The following CHAF1A variants were observed in gnomAD, a reference collection of about 807,000 sequenced individuals.
The protein encoded by CHAF1A is chromatin assembly factor 1 subunit A.
Under a neutral mutation model 93.2 loss-of-function variants are expected in CHAF1A, and 5 were observed. The observed-to-expected ratio is 0.05, with a 90% CI of 0.03 to 0.11. The LOEUF is 0.11. Among genes scored for constraint, CHAF1A ranks in the 10% least tolerant of loss-of-function variants. The pLI is 1.00. For missense variants in CHAF1A, 1,102 were observed against 1,259.9 expected, an observed-to-expected ratio of 0.87 and a Z score of 1.90; for synonymous variants, 504 against 510.3, an observed-to-expected ratio of 0.99 and a Z score of 0.17.
chr19:4,441,565 G>A lies in CHAF1A; in HGVS notation c.2674-680G>A, dbSNP rs565879479. ...GGAGGTTGCAGTGAGCTGAGATTGT[G>A]CCACTGCACTCCAGCCTCAGTGACA... On this transcript the variant is annotated intron_variant, in intron 13 of 14. Transcript: ENST00000301280. Among the ~76,000 whole-genome samples, 36 of 151,584 alleles carry A rather than the reference G, an allele frequency of 2.4e-4. No homozygotes were observed. In the South Asian group the frequency reaches 5.4e-3, roughly 23 times the overall value.
chr19:4,433,037 A>G lies in CHAF1A; in HGVS notation c.2204-33A>G. 1 of 1,486,236 alleles carries G rather than the reference A, an allele frequency of 6.7e-7. No homozygotes were observed. Among genetic ancestry groups the G allele is most frequent in the Non-Finnish European group, 9.1e-7 (1 of 1,103,170 alleles). The allele number at this position is 1,486,236 out of a possible 1,614,324, so 92.1% of individuals were successfully genotyped here. On this transcript the variant is annotated intron_variant, in intron 12 of 14. Transcript: ENST00000301280. The surrounding 1 kb of genome is among the most constrained non-coding windows in gnomAD (Gnocchi z 5.6). ...GCCTGTGGTGATGGGTGGCTCCCCA[A>G]GCCTCATGCCCACCCATGTTCCCTC...
chr19:4,446,949 G>T, downstream of CHAF1A: 1 of 1,608,794 alleles, frequency 6.2e-7, no homozygotes. Context: ...GTCACTGGGG[G>T]CCCCTGGCTT....
chr19:4,448,036 T>A, downstream of CHAF1A: 1 of 531,266 alleles, frequency 1.9e-6, no homozygotes, highest in Non-Finnish European at 3.4e-6. Context: ...ACCCGGGGAG[T>A]GGGGTGGGAC....
rs1232097417 is a variant in CHAF1A at position 4,433,891 on chromosome 19, C to T, written c.2673+352C>T. On this transcript the variant is annotated intron_variant, in intron 13 of 14. Transcript: ENST00000301280. The surrounding 1 kb of genome is among the most constrained non-coding windows in gnomAD (Gnocchi z 5.6). ...CTGGGATTACAGGCGTGAGCCACCT[C>T]GCCTGGTGTTTTTGTGTTTTTTAAA... is the stretch of plus-strand genomic sequence containing the variant. Among the ~76,000 whole-genome samples the T allele has an allele frequency of 4.6e-5, 7 of 151,996 alleles. No individual in the cohort carries two copies. The highest frequency in any genetic ancestry group is 7.4e-5 in the Non-Finnish European group (5 of 67,984).
chr19:4,447,450 C>A, downstream of CHAF1A: 1 of 1,353,048 alleles, frequency 7.4e-7, no homozygotes, highest in South Asian at 1.2e-5. Context: ...TCGCTAGCTC[C>A]TCCAGGGAGC....
At chr19:4,430,778 C>G in intron 11 of CHAF1A, 137 bp downstream of exon 11, 1 of 856,506 alleles carries the variant, frequency 1.2e-6, no homozygotes, top group East Asian at 2.7e-5. Context: ...AGCACGCAAG[C>G]TCACTCGTGG....
At chr19:4,448,200 C>A (rs1974578576), downstream of CHAF1A, 1 of 940,820 alleles carries the variant, frequency 1.1e-6, no homozygotes, top group Non-Finnish European at 1.6e-6. Flanking sequence ...TCGGCCTATG[C>A]TCCTTCCCAA....
chr19:4,448,396 A>G (rs778473018), downstream of CHAF1A: 49 of 1,560,376 alleles, frequency 3.1e-5, no homozygotes, highest in Non-Finnish European at 3.8e-5. Context: ...GGAGGCGGCC[A>G]CTGGGTCGGT....
At chr19:4,447,233 C>T (rs192780984), downstream of CHAF1A, 319 of 572,128 alleles carry the variant, frequency 5.6e-4, 2 homozygotes, top group African/African-American at 5.0e-3. Context: ...CCCTTTCCCC[C>T]AGAAGAACCA....
At position 4,433,488 on chromosome 19, in the gene CHAF1A, G is replaced by T; in HGVS notation, c.2622G>T (p.Ala874=). Residue 874 remains alanine (A), a synonymous_variant, in exon 13 of 15, where the codon GCG becomes GCT. Coordinates refer to ENST00000301280, the MANE Select transcript of CHAF1A (RefSeq NM_005483.3). This position sits in a 1 kb window ranked among gnomAD's most constrained non-coding sequence, Gnocchi z 5.6. ...GTPISLKRKS[A]GSMCITQFMK... is the part of the protein sequence containing the mutation. ...CCATCTCGCTGAAGAGGAAGTCAGC[G>T]GGCAGCATGTGCATCACCCAATTCA... The T allele has an allele frequency of 6.3e-7, 1 of 1,595,840 alleles. No homozygotes were observed. The highest frequency in any genetic ancestry group is 8.6e-7 in the Non-Finnish European group (1 of 1,165,410).
chr19:4,409,773 A>G lies in CHAF1A; in HGVS notation c.960+14A>G, dbSNP rs1305814556. ...CCCCTCCGCAGAGTGAGTATCTCCCATGGAGTCCCTGCACATCAGTGCTCA... is the reference window on the plus strand; with the variant it reads ...CCCCTCCGCAGAGTGAGTATCTCCCGTGGAGTCCCTGCACATCAGTGCTCA... On this transcript the variant is annotated intron_variant, in intron 3 of 14. Transcript: ENST00000301280. 1.3e-6 allele frequency: 2 copies of G among 1,593,780 alleles called. No homozygotes were observed. Among genetic ancestry groups the G allele is most frequent in the Non-Finnish European group, 1.7e-6 (2 of 1,166,788 alleles).
intron 13 of CHAF1A, among the ~76,000 whole-genome samples, chr19:4,436,984 G>T (rs1431373273): frequency 6.6e-6 from 1 of 152,216 alleles, no homozygotes; most frequent in Non-Finnish European, 1.5e-5. Context: ...AGTTTAACTA[G>T]AGTGGGTCAG....
intron 3 of CHAF1A, among the ~76,000 whole-genome samples, chr19:4,416,613 G>T (rs1272378184): frequency 6.6e-6 from 1 of 151,430 alleles, no homozygotes; most frequent in African/African-American, 2.4e-5. Context: ...AGAGTTGGCT[G>T]GGCGCGGTGG....
chr19:4,420,579 T>C (rs1788196502), intron 4 of CHAF1A, among the ~76,000 whole-genome samples: 1 of 152,144 alleles, frequency 6.6e-6, no homozygotes, highest in Non-Finnish European at 1.5e-5. Flanking sequence ...ACGTAATGAC[T>C]GAGTGTCCCA....
In CHAF1A at chr19:4,432,011, C is replaced by A. The variant is rs767080171; in HGVS notation, c.2007C>A (p.Asp669Glu). The A allele has an allele frequency of 3.7e-6, 6 of 1,614,050 alleles. No homozygotes were observed. The highest frequency in any genetic ancestry group is 5.1e-6 in the Non-Finnish European group (6 of 1,179,974). Residue 669 changes from aspartate (D) to glutamate (E), a missense_variant, in exon 12 of 15, where the codon GAC (aspartate) becomes GAA (glutamate). By Grantham distance (45) the Asp-to-Glu change is conservative. This residue lies in a region of CHAF1A where 335 missense variants were observed against 361.9 expected (regional missense o/e 0.93). Coordinates refer to ENST00000301280, the MANE Select transcript of CHAF1A (RefSeq NM_005483.3). ...AGAAACTGAAGGCCAAGGAGTGGGA[C>A]GAGTTCCTGGCTAAGGGGAAGCGCT... The part of the protein sequence containing the change: ...VRQKLKAKEW[D>E]EFLAKGKRFR...
chr19:4,425,322 G>A (rs1373326096), intron 7 of CHAF1A, among the ~76,000 whole-genome samples: 2 of 151,842 alleles, frequency 1.3e-5, no homozygotes, highest in South Asian at 2.1e-4. Context: ...GCTATCTCTC[G>A]GCTCACTCTA....
At chr19:4,443,900 C>A (rs1022848150), downstream of CHAF1A, among the ~76,000 whole-genome samples, 1 of 152,200 alleles carries the variant, frequency 6.6e-6, no homozygotes, top group Non-Finnish European at 1.5e-5. Flanking sequence ...GCTCGCCAGT[C>A]CTGCTCTTCC....
At chr19:4,437,331 C>T (rs1285770341) in intron 13 of CHAF1A, among the ~76,000 whole-genome samples, 3 of 152,126 alleles carry the variant, frequency 2.0e-5, no homozygotes, top group East Asian at 1.9e-4. Flanking sequence ...CACATGAGCC[C>T]GGATGGGACA....
At position 4,432,034 on chromosome 19, in the gene CHAF1A, G is replaced by A. The variant is rs754194846; in HGVS notation, c.2030G>A (p.Arg677His). ...EWDEFLAKGK[R>H]FRVLQPVKIG... ...GACGAGTTCCTGGCTAAGGGGAAGC[G>A]CTTTCGCGTCCTGCAACCTGTGAAG... The change falls in exon 12 of 15, where the codon CGC (arginine) becomes CAC (histidine). Residue 677 changes from arginine (R) to histidine (H), a missense_variant. Physicochemically the swap from Arg to His is conservative, Grantham distance 29. Around this residue, in one of 6 missense-constraint regions of CHAF1A, gnomAD observed 335 missense variants for 361.9 expected, o/e 0.93. Transcript: ENST00000301280. 1.1e-5 allele frequency: 17 copies of A among 1,614,138 alleles called. No homozygotes were observed. The highest frequency in any genetic ancestry group is 1.2e-5 in the Non-Finnish European group (14 of 1,180,018).
Sources: allele counts gnomAD v4.1 joint callset (sites outside exome capture counted in the v4.1 genomes callset), GRCh38; gene constraint gnomAD v4.1.1; regional missense constraint gnomAD v4.1.1; non-coding constraint Gnocchi (gnomAD v3.1); transcripts MANE v1.5; gene names NCBI Gene and HGNC (gene_info 2026-07-23, HGNC 2026-07-21).